The following CCDC146 variants were observed in gnomAD, a reference collection of about 807,000 sequenced individuals.
CCDC146 encodes coiled-coil domain-containing protein 146.
In CCDC146, 92 loss-of-function variants were observed where a neutral mutation model predicts 119.3. The ratio of observed to expected loss-of-function variants is 0.77; its 90% CI spans 0.65 to 0.92. CCDC146 has a LOEUF of 0.92. Ranked by LOEUF, CCDC146 falls within the 40% of genes least tolerant of loss-of-function variation. The pLI, the probability that CCDC146 is intolerant of heterozygous loss-of-function variation, is 0.00. For missense variants in CCDC146, 1,000 were observed against 1,103.0 expected (o/e 0.91, Z 1.32); for synonymous variants, 372 against 371.8 (o/e 1.00, Z -0.01).
chr7:77,187,271 T>A (rs917347255), intron 2 of CCDC146, among the ~76,000 whole-genome samples: 1 of 152,222 alleles, frequency 6.6e-6, no homozygotes, highest in East Asian at 1.9e-4. Context: ...TACTTCCTTA[T>A]GCTGGAACAT....
intron 1 of CCDC146, among the ~76,000 whole-genome samples, chr7:77,123,403 G>GGTGTGTGTGTGT (rs557580080): frequency 1.6e-4 from 20 of 125,256 alleles, no homozygotes; most frequent in East Asian, 2.3e-4. Context: ...GACCCTATAA[G>GGTGTGTGTGTGT]GTGTGTGTGT....
chr7:77,129,628 T>A (rs969992495), intron 1 of CCDC146, among the ~76,000 whole-genome samples: 2 of 152,034 alleles, frequency 1.3e-5, no homozygotes, highest in African/African-American at 4.8e-5. Flanking sequence ...AATAAGGAGA[T>A]ACTACTGTAA....
intron 14 of CCDC146, among the ~76,000 whole-genome samples, chr7:77,281,126 AG>A (rs1793756650): frequency 1.4e-5 from 2 of 141,178 alleles, no homozygotes; most frequent in African/African-American, 2.8e-5. Context: ...AAAAAAAAAA[AG>A]AGAGAAAGAA....
intron 4 of CCDC146, among the ~76,000 whole-genome samples, chr7:77,246,654 T>A (rs1792956992): frequency 1.3e-5 from 2 of 152,208 alleles, no homozygotes; most frequent in Admixed American, 6.5e-5. Context: ...TTGATATTTA[T>A]GAAAGTGAAA....
At chr7:77,149,039 A>G (rs1791067964) in intron 1 of CCDC146, among the ~76,000 whole-genome samples, 1 of 152,196 alleles carries the variant, frequency 6.6e-6, no homozygotes, top group Non-Finnish European at 1.5e-5. Flanking sequence ...AAACAAAAAG[A>G]ACAAAGCTGG....
At chr7:77,255,612 TG>T (rs1198386265) in intron 5 of CCDC146, 2 of 152,134 alleles carry the variant, frequency 1.3e-5, no homozygotes, top group Non-Finnish European at 2.9e-5. Flanking sequence ...CACCCAGCAG[TG>T]GTGGGAGGAG....
At chr7:77,212,620 C>T (rs372167686) in intron 2 of CCDC146, among the ~76,000 whole-genome samples, 1 of 80,980 alleles carries the variant, frequency 1.2e-5, no homozygotes, top group African/African-American at 4.7e-5. Context: ...GACTCCGTCT[C>T]AAAAAAAAAA....
At chr7:77,130,285 T>G (rs1790762682) in intron 1 of CCDC146, among the ~76,000 whole-genome samples, 1 of 152,020 alleles carries the variant, frequency 6.6e-6, no homozygotes, top group Non-Finnish European at 1.5e-5. Flanking sequence ...GGAGGTCTTA[T>G]AAACGCATCC....
At chr7:77,177,873 C>T (rs559284417) in intron 2 of CCDC146, among the ~76,000 whole-genome samples, 16 of 152,134 alleles carry the variant, frequency 1.1e-4, no homozygotes, top group Non-Finnish European at 1.6e-4. Flanking sequence ...TTTAAAGAGA[C>T]GGATAGTTTA....
intron 15 of CCDC146, 130 bp downstream of exon 15, chr7:77,282,915 G>T: frequency 1.6e-6 from 1 of 644,956 alleles, no homozygotes; most frequent in Admixed American, 2.9e-5. Context: ...CATCCATCTT[G>T]TTTAAAAATA....
chr7:77,196,949 T>C lies in CCDC146; in HGVS notation c.156+29125T>C, dbSNP rs748315331. 2.5e-6 allele frequency: 4 copies of C among 1,611,792 alleles called. No individual in the cohort carries two copies. Among genetic ancestry groups the C allele is most frequent in the Non-Finnish European group, 3.4e-6 (4 of 1,178,918 alleles). On this transcript the variant is annotated intron_variant, in intron 2 of 18. Transcript: ENST00000285871. The surrounding 1 kb of genome is among the most constrained non-coding windows in gnomAD (Gnocchi z 4.2). The stretch of plus-strand genomic sequence containing the variant: ...CTCACTGCTTCTTTTGCCTATTGCG[T>C]AGTAGTCAGAGCAATCTTTATATAT...
chr7:77,216,573 G>C lies in CCDC146; in HGVS notation c.157-20374G>C, dbSNP rs572800279. Among the ~76,000 whole-genome samples the C allele has an allele frequency of 7.8e-4, 119 of 152,190 alleles. 1 individual carries two copies. The highest frequency in any genetic ancestry group is 1.3e-3 in the Non-Finnish European group (88 of 67,978). ...GAATTGTCAGTCTTCCATCTCACCAGAAGGAAGAATTATGCAATTTCTCAA... is the reference window on the plus strand; with the variant it reads ...GAATTGTCAGTCTTCCATCTCACCACAAGGAAGAATTATGCAATTTCTCAA... On this transcript the variant is annotated intron_variant, in intron 2 of 18. Transcript: ENST00000285871.
Position 77,196,986 on chromosome 7 carries a change from C to G in CCDC146, c.156+29162C>G. 1.3e-6 allele frequency: 2 copies of G among 1,563,334 alleles called. No homozygotes were observed. The highest frequency in any genetic ancestry group is 1.7e-6 in the Non-Finnish European group (2 of 1,145,296). On this transcript the variant is annotated intron_variant, in intron 2 of 18. Coordinates refer to ENST00000285871, the MANE Select transcript of CCDC146 (RefSeq NM_020879.3). The surrounding 1 kb of genome is among the most constrained non-coding windows in gnomAD (Gnocchi z 4.2). ...CAATCTTTATATATTAGATGTTGAA[C>G]TGAAGGGGAAATAAAAGGAAGGCAT...
intron 17 of CCDC146, among the ~76,000 whole-genome samples, chr7:77,290,786 T>C (rs993615803): frequency 6.6e-6 from 1 of 152,212 alleles, no homozygotes; most frequent in Admixed American, 6.5e-5. Context: ...GCAAAATTTG[T>C]GTATAATAAT....
Position 77,278,831 on chromosome 7 carries a change from T to C in CCDC146, c.1520T>C (p.Ile507Thr), listed in dbSNP as rs748653276. ...IRIHKKKKCE[I>T]YRRLREFAKL... Reference sequence around the variant, plus strand: ...ATACACAAGAAGAAAAAATGTGAAATTTATCGGAGGTAAAGTAATTATGTG... The same window carrying C: ...ATACACAAGAAGAAAAAATGTGAAACTTATCGGAGGTAAAGTAATTATGTG... The change falls in exon 12 of 19, where the codon ATT becomes ACT. Residue 507 changes from isoleucine (I) to threonine (T), a missense_variant. By Grantham distance (89) the Ile-to-Thr change is moderately conservative. This residue lies in a region of CCDC146 where 985 missense variants were observed against 1,045.3 expected (regional missense o/e 0.94). Coordinates refer to ENST00000285871, the MANE Select transcript of CCDC146 (RefSeq NM_020879.3). 5.0e-6 allele frequency: 8 copies of C among 1,611,226 alleles called. 1 individual carries two copies. Among genetic ancestry groups the C allele is most frequent in the Non-Finnish European group, 5.1e-6 (6 of 1,177,942 alleles).
rs58502705 is a variant in CCDC146, at chr7:77,132,553, C to CAAAA, written c.-12+9836_-12+9839dup. 3.8e-4 allele frequency among the ~76,000 whole-genome samples: 40 copies of CAAAA among 106,516 alleles called. 1 individual carries two copies. The highest frequency in any genetic ancestry group is 8.4e-4 in the East Asian group (3 of 3,556). 69.9% of individuals were successfully genotyped at this position (106,516 alleles called of 152,430 possible). ...GCAACATAGTGAGTCTCGATCTCTA[C>CAAAA]AAAAAAAAAAAAAAAAAAGAAAGAA... On this transcript the variant is annotated intron_variant, in intron 1 of 18. Coordinates refer to ENST00000285871, the MANE Select transcript of CCDC146 (RefSeq NM_020879.3).
chr7:77,291,440 C>T (rs1171354179), intron 17 of CCDC146, among the ~76,000 whole-genome samples: 2 of 151,482 alleles, frequency 1.3e-5, no homozygotes. Flanking sequence ...CGCAGTGGCT[C>T]ATGCCTGTAA....
chr7:77,141,102 A>C (rs983031989), intron 1 of CCDC146, among the ~76,000 whole-genome samples: 2 of 151,950 alleles, frequency 1.3e-5, no homozygotes, highest in Admixed American at 6.6e-5. Flanking sequence ...TCGGTGTGTG[A>C]TGTTCCCCTC....
chr7:77,218,081 T>G (rs1792332582), intron 2 of CCDC146, among the ~76,000 whole-genome samples: 1 of 152,112 alleles, frequency 6.6e-6, no homozygotes, highest in East Asian at 1.9e-4. Context: ...CAATGTGTTG[T>G]GCTACAATGT....
Sources: gnomAD v4.1 joint callset for allele counts (sites outside exome capture counted in the v4.1 genomes callset) on GRCh38, gnomAD v4.1.1 for gene constraint, gnomAD v4.1.1 regional missense constraint, Gnocchi (gnomAD v3.1) non-coding constraint, MANE v1.5 for transcripts, NCBI Gene and HGNC (gene_info 2026-07-23, HGNC 2026-07-21) for gene names.